Variants in EPB41 observed in about 807,000 individuals in gnomAD.
EPB41 encodes erythrocyte membrane protein band 4.1.
A neutral mutation model predicts 108.0 loss-of-function variants in EPB41; 65 were observed. The ratio of observed to expected loss-of-function variants is 0.60; its 90% confidence interval spans 0.49 to 0.74. EPB41 has a LOEUF of 0.74. Among genes scored for constraint, EPB41 ranks in the 30% least tolerant of loss-of-function variants. EPB41 has a pLI of 0.00. For synonymous variants in EPB41, 336 were observed against 358.9 expected, an observed-to-expected ratio of 0.94 and a Z score of 0.72; for missense variants, 875 against 1,037.0, an observed-to-expected ratio of 0.84 and a Z score of 2.15.
chr1:29,057,544 A>G (rs554075754), intron 12 of EPB41, among the ~76,000 whole-genome samples: 4 of 152,284 alleles, frequency 2.6e-5, no homozygotes, highest in South Asian at 4.1e-4. Flanking sequence ...GCACAATGAC[A>G]TTATACTCCA....
intron 16 of EPB41, among the ~76,000 whole-genome samples, chr1:29,092,693 C>G (rs903383699): frequency 1.3e-5 from 2 of 152,248 alleles, no homozygotes; most frequent in East Asian, 3.9e-4. Context: ...CTGATCCTCT[C>G]CTTCCTCCCA....
At chr1:29,072,350 G>T (rs1368948160) in intron 16 of EPB41, 1 of 152,010 alleles carries the variant, frequency 6.6e-6, no homozygotes, top group Non-Finnish European at 1.5e-5. Context: ...TAACAAATTG[G>T]ACTATAGAAT....
chr1:28,973,310 T>C (rs1304331083), intron 1 of EPB41, among the ~76,000 whole-genome samples: 1 of 152,188 alleles, frequency 6.6e-6, no homozygotes, highest in Non-Finnish European at 1.5e-5. Flanking sequence ...TCTGGTGTCC[T>C]TGGGGATATT....
At chr1:29,100,055 G>A (rs1333825919) in intron 17 of EPB41, among the ~76,000 whole-genome samples, 1 of 152,166 alleles carries the variant, frequency 6.6e-6, no homozygotes, top group Non-Finnish European at 1.5e-5. Context: ...ATGGGAAAGA[G>A]ATAGCCATGT....
At chr1:28,902,416 G>T (rs2091400996) in intron 1 of EPB41, 3 of 981,354 alleles carry the variant, frequency 3.1e-6, no homozygotes, top group Middle Eastern at 5.2e-4. Context: ...CTAGAGGATT[G>T]AGCTTTTTGT....
At chr1:29,099,284 AAAGAAG>A (rs1279955637) in intron 17 of EPB41, among the ~76,000 whole-genome samples, 1 of 150,442 alleles carries the variant, frequency 6.6e-6, no homozygotes, top group East Asian at 2.0e-4. Context: ...AAAAAAAAAA[AAAGAAG>A]AAGAAGAAGA....
chr1:28,965,311 A>C (rs2149212696), intron 1 of EPB41, among the ~76,000 whole-genome samples: 1 of 152,242 alleles, frequency 6.6e-6, no homozygotes, highest in African/African-American at 2.4e-5. Flanking sequence ...CTCCAATGAG[A>C]ATTTTATTTT....
At chr1:28,974,043 T>C (rs1170342847) in intron 1 of EPB41, among the ~76,000 whole-genome samples, 1 of 152,232 alleles carries the variant, frequency 6.6e-6, no homozygotes, top group Non-Finnish European at 1.5e-5. Context: ...TTTTCTAGGC[T>C]AAAGGTCCCA....
At chr1:29,093,765 C>T (rs1172076913) in intron 16 of EPB41, among the ~76,000 whole-genome samples, 5 of 152,014 alleles carry the variant, frequency 3.3e-5, no homozygotes, top group Admixed American at 6.6e-5. Context: ...ATTAGCCGTG[C>T]GTGGTGGCAC....
intron 1 of EPB41, among the ~76,000 whole-genome samples, chr1:28,919,788 AT>A (rs1472970142): frequency 4.6e-5 from 7 of 152,164 alleles, no homozygotes; most frequent in Non-Finnish European, 1.0e-4. Flanking sequence ...TTCCAGAGAC[AT>A]TCTGGCGTCA....
chr1:29,030,610 A>G (rs552637006), intron 8 of EPB41, 123 bp downstream of exon 8: 2 of 813,470 alleles, frequency 2.5e-6, no homozygotes, highest in East Asian at 5.1e-5. Flanking sequence ...GTATTTTAAA[A>G]CATTCAAAAG....
intron 5 of EPB41, among the ~76,000 whole-genome samples, chr1:29,014,878 G>A (rs751110849): frequency 5.3e-5 from 8 of 152,164 alleles, no homozygotes; most frequent in Non-Finnish European, 1.0e-4. Context: ...AGGCACGATG[G>A]CTTATGCCTG....
chr1:28,889,632 C>T (rs2089878888), intron 1 of EPB41, among the ~76,000 whole-genome samples: 1 of 152,234 alleles, frequency 6.6e-6, no homozygotes, highest in South Asian at 2.1e-4. Flanking sequence ...GTGCAGGCCC[C>T]ATGGAGGTCC....
chr1:29,113,366 G>C (rs1052497680), intron 19 of EPB41, among the ~76,000 whole-genome samples: 1 of 152,230 alleles, frequency 6.6e-6, no homozygotes, highest in African/African-American at 2.4e-5. Flanking sequence ...AAGAAAAACT[G>C]AGCTACAGTG....
chr1:29,000,777 C>G (rs1415064011), intron 4 of EPB41, among the ~76,000 whole-genome samples: 1 of 151,804 alleles, frequency 6.6e-6, no homozygotes, highest in Admixed American at 6.6e-5. Context: ...TTTTATGCTT[C>G]TAAGTTTATC....
chr1:29,020,581 A>G (rs2096631560), intron 7 of EPB41, among the ~76,000 whole-genome samples: 1 of 152,114 alleles, frequency 6.6e-6, no homozygotes, highest in Non-Finnish European at 1.5e-5. Context: ...AGTAAAAGAA[A>G]ATATTTTACT....
intron 1 of EPB41, among the ~76,000 whole-genome samples, chr1:28,940,351 G>T (rs1190655992): frequency 6.6e-6 from 1 of 152,072 alleles, no homozygotes; most frequent in Non-Finnish European, 1.5e-5. Context: ...ATGTTTGATA[G>T]GTGCAAAAAT....
intron 16 of EPB41, chr1:29,070,816 A>G (rs1651001837): frequency 1.6e-5 from 12 of 734,162 alleles, no homozygotes; most frequent in Non-Finnish European, 1.5e-5. Flanking sequence ...GGACTGCCCA[A>G]AGCCAGCTTT....
At chr1:28,946,234 C>G (rs574197265) in intron 1 of EPB41, among the ~76,000 whole-genome samples, 1 of 150,156 alleles carries the variant, frequency 6.7e-6, no homozygotes, top group African/African-American at 2.5e-5. Flanking sequence ...CTCGCTCTTT[C>G]GCCCAGCCTG....
Sources: gnomAD v4.1 joint callset for allele counts (sites outside exome capture counted in the v4.1 genomes callset) on GRCh38, gnomAD v4.1.1 for gene constraint, MANE v1.5 for transcripts, NCBI Gene and HGNC (gene_info 2026-07-23, HGNC 2026-07-21) for gene names.